The following RSKR variants were observed in gnomAD, a reference collection of about 807,000 sequenced individuals.
RSKR encodes the protein ribosomal protein S6 kinase related.
Under a neutral mutation model 56.8 loss-of-function variants are expected in RSKR, and 44 were observed. The ratio of observed to expected loss-of-function variants is 0.77; its 90% CI spans 0.61 to 1.00. The LOEUF is 1.00. RSKR is among the 50% of genes least tolerant of loss of function. The probability of loss-of-function intolerance (pLI) is 0.00; values close to 1 mark genes in which losing one functional copy is unlikely to be tolerated. For synonymous variants in RSKR, 181 were observed against 188.0 expected (o/e 0.96, Z 0.30); for missense variants, 510 against 506.9 (o/e 1.01, Z -0.06).
rs1597605859 is a variant in RSKR at position 28,609,773 on chromosome 17, G to T, written c.*705C>A. The T allele has an allele frequency of 6.7e-6, 1 of 148,970 alleles. No individual in the cohort carries two copies. Among genetic ancestry groups the T allele is most frequent in the Admixed American group, 6.7e-5 (1 of 14,892 alleles). The allele number at this position is 148,970 out of a possible 1,614,324, so 9.2% of individuals were successfully genotyped here. ...AAAAAAAAAAAAAAAAAAGGGTCTG[G>T]TGCAGTGGCTCACACCTACCTGTAA... On this transcript the variant is annotated 3_prime_UTR_variant, in exon 12 of 12. Coordinates refer to ENST00000301037, the MANE Select transcript of RSKR (RefSeq NM_001174103.2).
Position 28,610,467 on chromosome 17 carries a change from A to G in RSKR, c.*11T>C. The G allele has an allele frequency of 6.5e-7, 1 of 1,535,698 alleles. No individual in the cohort carries two copies. The highest frequency in any genetic ancestry group is 8.7e-7 in the Non-Finnish European group (1 of 1,146,578). On this transcript the variant is annotated 3_prime_UTR_variant, in exon 12 of 12. Coordinates refer to ENST00000301037, the MANE Select transcript of RSKR (RefSeq NM_001174103.2). ...GGCTCCCAGCCGGGCCCCAATTTAC[A>G]GTAGAGAGGCTCAAGCAGGGATAGG...
intron 4 of RSKR, 89 bp downstream of exon 4, chr17:28,612,989 G>T: frequency 7.2e-7 from 1 of 1,384,992 alleles, no homozygotes; most frequent in Non-Finnish European, 1.0e-6. Flanking sequence ...GGATGAGGCA[G>T]AACCAGGAAA....
chr17:28,610,675 GA>G lies in RSKR; in HGVS notation c.1035del (p.Arg346ValfsTer29). On this transcript the variant is annotated frameshift_variant, in exon 12 of 12. Coordinates refer to ENST00000301037, the MANE Select transcript of RSKR (RefSeq NM_001174103.2). LOFTEE classifies it high-confidence loss of function. ...TGGAAGTGATGCAGATAACGTAGAC[GA>G]TGGAGGGGGTTCTGGCATAAGAGCT... ...LHELLCQNPL[H>X]RLRYLHHFQV... 6.5e-7 allele frequency: 1 copy of G among 1,536,158 alleles called. No homozygotes were observed. Among genetic ancestry groups the G allele is most frequent in the Non-Finnish European group, 8.7e-7 (1 of 1,146,914 alleles).
chr17:28,610,368 T>A lies in RSKR; in HGVS notation c.*110A>T. ...TCTAAAGCCTAGGAGAGCAGAACGG[T>A]AAGAGGCTACAAAATAAAAACAAAC... On this transcript the variant is annotated 3_prime_UTR_variant, in exon 12 of 12. Transcript: ENST00000301037. The A allele has an allele frequency of 9.9e-7, 1 of 1,012,138 alleles. No homozygotes were observed. 62.7% of individuals were successfully genotyped at this position (1,012,138 alleles called of 1,614,324 possible).
chr17:28,611,399 A>T lies in RSKR; in HGVS notation c.894T>A (p.Thr298=). 2 of 1,587,868 alleles carry T rather than the reference A, an allele frequency of 1.3e-6. No individual in the cohort carries two copies. Among genetic ancestry groups the T allele is most frequent in the Non-Finnish European group, 1.7e-6 (2 of 1,173,010 alleles). ...ACTACTACTATTCTCTCACCTTTCC[A>T]GTCGCCAGAGAGAAAAGCAAGACAC... ...SLGVLLFSLA[T]GKFPVAAERD... is the part of the protein sequence containing the mutation. The change falls in exon 10 of 12, where the codon ACT becomes ACA. Residue 298 remains threonine (T), a synonymous_variant. Coordinates refer to ENST00000301037, the MANE Select transcript of RSKR (RefSeq NM_001174103.2).
chr17:28,612,341 C>T lies in RSKR; in HGVS notation c.573G>A (p.Leu191=). ...FIMCSYCSTD[L]YSLWSAVGCF... ...AGCCAACAGCCGACCAAAGGGAGTA[C>T]AGATCTGTGCTGCAGTAGCTACACA... The change falls in exon 6 of 12, where the codon CTG becomes CTA. Residue 191 remains leucine (L), a synonymous_variant. Transcript: ENST00000301037. 1 of 1,614,146 alleles carries T rather than the reference C, an allele frequency of 6.2e-7. No homozygotes were observed. The highest frequency in any genetic ancestry group is 1.1e-5 in the South Asian group (1 of 91,070).
In RSKR at chr17:28,613,539, C is replaced by T. The variant is rs552711380; in HGVS notation, c.225G>A (p.Leu75=). Residue 75 remains leucine, a synonymous_variant, in exon 2 of 12, where the codon CTG becomes CTA. Coordinates refer to ENST00000301037, the MANE Select transcript of RSKR (RefSeq NM_001174103.2). ...HQESLKPAPV[L]VEKPLPEWPV... is the part of the protein sequence containing the mutation. ...GCCACTCTGGCAGAGGCTTCTCTAC[C>T]AGTACTGGGGCTGGCTTTAGGGATT... The T allele has an allele frequency of 1.2e-6, 2 of 1,614,182 alleles. No individual in the cohort carries two copies. The highest frequency in any genetic ancestry group is 1.1e-5 in the South Asian group (1 of 91,080).
In RSKR at chr17:28,612,068, C is replaced by G. The variant is rs2070823423; in HGVS notation, c.669G>C (p.Leu223Phe). ...LVLVLCYLHD[L>F]GIMHRDVKME... The stretch of plus-strand genomic sequence containing the variant: ...CCTTCACATCTCGATGCATGATGCC[C>G]AAGTCATGGAGATAACCTGTGGATA... The change falls in exon 7 of 12, where the codon TTG becomes TTC. Residue 223 changes from leucine to phenylalanine, a missense_variant. Coordinates refer to ENST00000301037, the MANE Select transcript of RSKR (RefSeq NM_001174103.2). 1.2e-6 allele frequency: 2 copies of G among 1,614,100 alleles called. No individual in the cohort carries two copies. Among genetic ancestry groups the G allele is most frequent in the East Asian group, 4.5e-5 (2 of 44,900 alleles).
chr17:28,612,154 C>T, intron 6 of RSKR, 70 bp from the exon 7 acceptor site: 1 of 1,587,036 alleles, frequency 6.3e-7, no homozygotes, highest in Non-Finnish European at 8.7e-7. Flanking sequence ...AGCCCTCATC[C>T]CATCCCTATC....
chr17:28,613,515 C>T lies in RSKR; in HGVS notation c.249G>A (p.Trp83Ter). The T allele has an allele frequency of 6.2e-7, 1 of 1,614,226 alleles. No individual in the cohort carries two copies. Among genetic ancestry groups the T allele is most frequent in the East Asian group, 2.2e-5 (1 of 44,890 alleles). The part of the protein sequence containing the change: ...PVLVEKPLPE[W>*]PVPQFINLFL... ...AGAGGTTGATGAACTGAGGCACTGG[C>T]CACTCTGGCAGAGGCTTCTCTACCA... Residue 83 changes from tryptophan (W) to a stop codon, truncating the protein, a stop_gained, in exon 2 of 12, where the codon TGG (tryptophan) becomes TGA (stop). Transcript: ENST00000301037. LOFTEE classifies it high-confidence loss of function.
In RSKR at chr17:28,614,071, G is replaced by C. The variant is rs1331666623; in HGVS notation, c.75+16C>G. 6.2e-7 allele frequency: 1 copy of C among 1,610,414 alleles called. No homozygotes were observed. The highest frequency in any genetic ancestry group is 1.3e-5 in the African/African-American group (1 of 74,994). On this transcript the variant is annotated intron_variant, in intron 1 of 11. Coordinates refer to ENST00000301037, the MANE Select transcript of RSKR (RefSeq NM_001174103.2). ...CTCTCCTCCCCTCAGTAGGCTGCCAGAGCCCCACAGCCTACCTTGTGAGGG... is the reference window on the plus strand; with the variant it reads ...CTCTCCTCCCCTCAGTAGGCTGCCACAGCCCCACAGCCTACCTTGTGAGGG...
At position 28,609,032 on chromosome 17, in the gene RSKR, C is replaced by CTTTT. The variant is rs749382342; in HGVS notation, c.*1442_*1445dup. On this transcript the variant is annotated 3_prime_UTR_variant, in exon 12 of 12. Coordinates refer to ENST00000301037, the MANE Select transcript of RSKR (RefSeq NM_001174103.2). ...TTGAGATATGTCTCTAACCTTAAAT[C>CTTTT]TTTTTTTTTTTTTTTTTTTTTTTTT... The CTTTT allele has an allele frequency of 6.3e-4, 59 of 93,638 alleles. 1 individual carries two copies. Among genetic ancestry groups the CTTTT allele is most frequent in the African/African-American group, 1.3e-3 (27 of 20,804 alleles). 5.8% of individuals were successfully genotyped at this position (93,638 alleles called of 1,614,324 possible).
intron 11 of RSKR, 146 bp downstream of exon 11, chr17:28,610,997 T>C (rs2070804090): frequency 2.7e-6 from 2 of 750,364 alleles, no homozygotes; most frequent in South Asian, 1.7e-5. Context: ...TGTGACTCAG[T>C]ACAGCTTAGA....
chr17:28,611,536 A>G (rs766699199), intron 9 of RSKR, 31 bp downstream of exon 9: 24 of 1,562,814 alleles, frequency 1.5e-5, no homozygotes, highest in African/African-American at 6.8e-5. Flanking sequence ...CTCCTGCCCA[A>G]TGCTTACCCA....
chr17:28,611,611 T>C lies in RSKR; in HGVS notation c.767A>G (p.Gln256Arg). The change falls in exon 9 of 12, where the codon CAG becomes CGG. Residue 256 changes from glutamine to arginine, a missense_variant. Coordinates refer to ENST00000301037, the MANE Select transcript of RSKR (RefSeq NM_001174103.2). ...ACAGATAGTGTAGGCTTGAGCTCCC[T>C]GGGGCACGTGGCGGGACAGACCAAA... is the stretch of plus-strand genomic sequence containing the variant. ...TDFGLSRHVP[Q>R]GAQAYTICGT... 6.4e-7 allele frequency: 1 copy of C among 1,568,550 alleles called. No homozygotes were observed. Among genetic ancestry groups the C allele is most frequent in the South Asian group, 1.2e-5 (1 of 82,186 alleles).
intron 4 of RSKR, 27 bp downstream of exon 4, chr17:28,613,051 C>T: frequency 6.2e-7 from 1 of 1,613,548 alleles, no homozygotes; most frequent in South Asian, 1.1e-5. Flanking sequence ...GCTCTTCCCA[C>T]AATCCTTTCC....
At position 28,612,633 on chromosome 17, in the gene RSKR, G is replaced by A. The variant is rs759443821; in HGVS notation, c.532C>T (p.Arg178Trp). ...AGTCACTCACTAATGAAAAGGTGCCGTTTTCCCTGCCAGCTGTCCCCCAAG... is the reference window on the plus strand; with the variant it reads ...AGTCACTCACTAATGAAAAGGTGCCATTTTCCCTGCCAGCTGTCCCCCAAG... ...HSLGDSWQGK[R>W]HLFIMCSYCS... Residue 178 changes from arginine to tryptophan, a missense_variant, in exon 5 of 12, where the codon CGG becomes TGG. Arg to Trp is a moderately radical substitution (Grantham distance 101, BLOSUM62 -3). Coordinates refer to ENST00000301037, the MANE Select transcript of RSKR (RefSeq NM_001174103.2). 8.7e-5 allele frequency: 140 copies of A among 1,614,028 alleles called. No individual in the cohort carries two copies. Among genetic ancestry groups the A allele is most frequent in the Non-Finnish European group, 1.1e-4 (128 of 1,180,018 alleles).
intron 5 of RSKR, 48 bp from the exon 6 acceptor site, chr17:28,612,414 T>C: frequency 6.3e-7 from 1 of 1,587,144 alleles, no homozygotes; most frequent in Admixed American, 1.7e-5. Context: ...GTCTAGGCAA[T>C]GTTTGGGAGC....
chr17:28,612,033 C>T lies in RSKR; in HGVS notation c.693+11G>A. 2 of 1,614,190 alleles carry T rather than the reference C, an allele frequency of 1.2e-6. No homozygotes were observed. Among genetic ancestry groups the T allele is most frequent in the Admixed American group, 1.7e-5 (1 of 60,016 alleles). On this transcript the variant is annotated intron_variant, in intron 7 of 11. Coordinates refer to ENST00000301037, the MANE Select transcript of RSKR (RefSeq NM_001174103.2). Reference sequence around the variant, plus strand: ...TTTCTCAGACAAAGGGAAAAAAGCACTTAACTCTACCTTCACATCTCGATG... The same window carrying T: ...TTTCTCAGACAAAGGGAAAAAAGCATTTAACTCTACCTTCACATCTCGATG...
Sources: allele counts gnomAD v4.1 joint callset, GRCh38; gene constraint gnomAD v4.1.1; transcripts MANE v1.5; gene names NCBI Gene and HGNC (gene_info 2026-07-23, HGNC 2026-07-21).